Variants in PPP2R2B observed in about 807,000 individuals in gnomAD.
PPP2R2B encodes the protein serine/threonine-protein phosphatase 2A 55 kDa regulatory subunit B beta isoform.
PPP2R2B carries 5 observed loss-of-function variants against 46.0 expected under a neutral mutation model. That is an observed-to-expected ratio of 0.11 (90% CI 0.06 to 0.23). The LOEUF is 0.23. Among genes scored for constraint, PPP2R2B ranks in the 10% least tolerant of loss-of-function variants. PPP2R2B has a pLI of 1.00. For missense variants in PPP2R2B, 367 were observed against 575.0 expected, an observed-to-expected ratio of 0.64 and a Z score of 3.70; for synonymous variants, 215 against 206.7, an observed-to-expected ratio of 1.04 and a Z score of -0.34.
intron 2 of PPP2R2B, among the ~76,000 whole-genome samples, chr5:146,726,843 G>A (rs574578920): frequency 6.6e-6 from 1 of 152,300 alleles, no homozygotes; most frequent in Admixed American, 6.5e-5. Context: ...AGGATGCATA[G>A]AGGGCCATAT....
chr5:147,041,378 C>T (rs192845380), intron 1 of PPP2R2B, among the ~76,000 whole-genome samples: 2 of 152,274 alleles, frequency 1.3e-5, no homozygotes, highest in East Asian at 1.9e-4. Flanking sequence ...TAAGACCCTT[C>T]CTTCAGCATT....
At chr5:146,729,840 T>C (rs1320067184) in intron 2 of PPP2R2B, among the ~76,000 whole-genome samples, 1 of 152,226 alleles carries the variant, frequency 6.6e-6, no homozygotes, top group Non-Finnish European at 1.5e-5. Flanking sequence ...AAAAGTTTGC[T>C]GCAGGGGCAG....
intron 5 of PPP2R2B, among the ~76,000 whole-genome samples, chr5:146,676,185 C>T (rs952490539): frequency 6.6e-5 from 10 of 152,200 alleles, no homozygotes; most frequent in South Asian, 2.1e-4. Context: ...ACTATCTAGG[C>T]GGCTTTTCCA....
At chr5:146,746,181 C>A (rs753866976) in intron 2 of PPP2R2B, among the ~76,000 whole-genome samples, 1 of 152,118 alleles carries the variant, frequency 6.6e-6, no homozygotes, top group Non-Finnish European at 1.5e-5. Flanking sequence ...ACCCAGAGAA[C>A]GGCTTTCCAC....
chr5:146,897,227 G>A (rs1762674257), intron 1 of PPP2R2B, among the ~76,000 whole-genome samples: 1 of 152,212 alleles, frequency 6.6e-6, no homozygotes, highest in Admixed American at 6.5e-5. Context: ...AACCTAGAGA[G>A]AGTTAGGATT....
At chr5:146,768,913 C>G (rs1005365439) in intron 2 of PPP2R2B, among the ~76,000 whole-genome samples, 2 of 148,600 alleles carry the variant, frequency 1.3e-5, no homozygotes, top group African/African-American at 2.5e-5. Context: ...GAGACAGTCT[C>G]TCACTCTGCC....
At position 146,651,752 on chromosome 5, in the gene PPP2R2B, G is replaced by A. The variant is rs371353389; in HGVS notation, c.448-1028C>T. 5.8e-4 allele frequency among the ~76,000 whole-genome samples: 89 copies of A among 152,256 alleles called. 1 individual carries two copies. The South Asian group carries it at 0.018, about 30-fold the overall frequency. On this transcript the variant is annotated intron_variant, in intron 5 of 9. Coordinates refer to ENST00000394411, the MANE Select transcript of PPP2R2B (RefSeq NM_181675.4). ...AAATCATTTCTTGCAACTGAGCCCC[G>A]ACTGATTTGATACCAGGTGGTAGAT...
intron 7 of PPP2R2B, among the ~76,000 whole-genome samples, chr5:146,637,856 C>A (rs1774921693): frequency 6.6e-6 from 1 of 152,046 alleles, no homozygotes; most frequent in Admixed American, 6.6e-5. Flanking sequence ...AAAGATGTGT[C>A]CAGAACCCAT....
intron 2 of PPP2R2B, among the ~76,000 whole-genome samples, chr5:146,842,718 A>G (rs566883281): frequency 6.6e-6 from 1 of 151,866 alleles, no homozygotes; most frequent in Non-Finnish European, 1.5e-5. Flanking sequence ...TTTAGCTCCC[A>G]CTTATAAGTG....
At chr5:146,875,322 C>T (rs544018879) in intron 2 of PPP2R2B, among the ~76,000 whole-genome samples, 1 of 151,994 alleles carries the variant, frequency 6.6e-6, no homozygotes, top group South Asian at 2.1e-4. Flanking sequence ...AATTTTCATG[C>T]TCAGAATTAA....
chr5:146,884,533 G>T (rs556228723), intron 1 of PPP2R2B, among the ~76,000 whole-genome samples: 1 of 152,234 alleles, frequency 6.6e-6, no homozygotes, highest in African/African-American at 2.4e-5. Flanking sequence ...CCCTTGATTT[G>T]CTTCAATACT....
intron 5 of PPP2R2B, 110 bp downstream of exon 5, chr5:146,691,018 G>A (rs1460462076): frequency 3.6e-5 from 31 of 855,530 alleles, no homozygotes; most frequent in Non-Finnish European, 5.7e-5. Context: ...CTCTGCCTAC[G>A]TTCCCTCACT....
At chr5:146,943,206 A>G (rs547708872) in intron 1 of PPP2R2B, among the ~76,000 whole-genome samples, 2 of 152,280 alleles carry the variant, frequency 1.3e-5, no homozygotes, top group South Asian at 2.1e-4. Context: ...AGAGATTCTG[A>G]TTGAACTGAG....
chr5:147,007,094 C>T, intron 1 of PPP2R2B, among the ~76,000 whole-genome samples: 1 of 152,108 alleles, frequency 6.6e-6, no homozygotes, highest in East Asian at 1.9e-4. Flanking sequence ...CAAATGGAAC[C>T]CCAAGTGAGC....
At chr5:147,024,421 T>A (rs1293879771) in intron 1 of PPP2R2B, among the ~76,000 whole-genome samples, 1 of 152,290 alleles carries the variant, frequency 6.6e-6, no homozygotes, top group South Asian at 2.1e-4. Flanking sequence ...ACAAGTAGAA[T>A]GAATATCAGT....
At chr5:146,715,932 A>T (rs1200491291) in intron 2 of PPP2R2B, among the ~76,000 whole-genome samples, 1 of 151,942 alleles carries the variant, frequency 6.6e-6, no homozygotes. Context: ...ATTGTCACAC[A>T]CTCCATCAAA....
At chr5:146,606,200 A>C (rs1397851881) in intron 7 of PPP2R2B, among the ~76,000 whole-genome samples, 1 of 152,160 alleles carries the variant, frequency 6.6e-6, no homozygotes, top group Non-Finnish European at 1.5e-5. Context: ...GAAGAGAGAG[A>C]TTAGGTAACC....
intron 4 of PPP2R2B, among the ~76,000 whole-genome samples, chr5:146,693,112 C>T (rs1488291993): frequency 6.6e-6 from 1 of 151,926 alleles, no homozygotes; most frequent in Non-Finnish European, 1.5e-5. Context: ...CCCTTCCTCC[C>T]TTCCCTCTCT....
chr5:147,074,482 T>A (rs1418799399), intron 2 of PPP2R2B, among the ~76,000 whole-genome samples: 1 of 152,222 alleles, frequency 6.6e-6, no homozygotes, highest in Non-Finnish European at 1.5e-5. Flanking sequence ...TAACTAAACA[T>A]CTAAACATCT....
Sources: allele counts gnomAD v4.1 joint callset (sites outside exome capture counted in the v4.1 genomes callset), GRCh38; gene constraint gnomAD v4.1.1; transcripts MANE v1.5; gene names NCBI Gene and HGNC (gene_info 2026-07-23, HGNC 2026-07-21).